FBXO48: variants seen among roughly 807,000 people sequenced by gnomAD.
FBXO48 encodes the protein F-box protein 48.
FBXO48 carries 12 observed loss-of-function variants against 14.3 expected under a neutral mutation model. The ratio of observed to expected loss-of-function variants is 0.84; its 90% confidence interval spans 0.54 to 1.36. The LOEUF (loss-of-function observed/expected upper bound fraction) is 1.36. Ranked by LOEUF, FBXO48 falls within the 40% of genes most tolerant of loss-of-function variation. FBXO48 has a pLI of 0.00. For synonymous variants in FBXO48, 53 were observed against 61.7 expected, an observed-to-expected ratio of 0.86 and a Z score of 0.66; for missense variants, 177 against 179.1, an observed-to-expected ratio of 0.99 and a Z score of 0.07.
rs533230110 is a variant in FBXO48 at position 68,463,763 on chromosome 2, A to T, written c.*446T>A. ...AAGTCATTAAAATGTCAATGTATTA[A>T]TTTAAATGTATTGCTATTAATTTCA... is the stretch of plus-strand genomic sequence containing the variant. On this transcript the variant is annotated 3_prime_UTR_variant, in exon 4 of 4. Transcript: ENST00000377957. 1 of 155,314 alleles carries T rather than the reference A, an allele frequency of 6.4e-6. No individual in the cohort carries two copies. The highest frequency in any genetic ancestry group is 1.9e-4 in the East Asian group (1 of 5,268). The allele number at this position is 155,314 out of a possible 1,614,324, so 9.6% of individuals were successfully genotyped here. A position where few individuals can be genotyped will look rare whatever the true frequency, so the allele number is the denominator to read the frequency against.
chr2:68,463,867 AT>A lies in FBXO48; in HGVS notation c.*341del, dbSNP rs1675327469. ...AGTCAGTTTAAAGTGGCTTCCTGAA[AT>A]TTTGAATTATCATTAAGCTGAACAT... is the stretch of plus-strand genomic sequence containing the variant. On this transcript the variant is annotated 3_prime_UTR_variant, in exon 4 of 4. Transcript: ENST00000377957. The A allele has an allele frequency of 1.2e-5, 2 of 173,500 alleles. No individual in the cohort carries two copies. Among genetic ancestry groups the A allele is most frequent in the African/African-American group, 2.4e-5 (1 of 41,996 alleles). 10.7% of individuals were successfully genotyped at this position (173,500 alleles called of 1,614,324 possible).
rs1041843673 is a variant in FBXO48 at position 68,460,535 on chromosome 2, T to C, written c.*3674A>G. The C allele has an allele frequency of 1.4e-5, 2 of 138,778 alleles. No homozygotes were observed. The highest frequency in any genetic ancestry group is 4.2e-4 in the South Asian group (2 of 4,756). The allele number at this position is 138,778 out of a possible 1,614,324, so 8.6% of individuals were successfully genotyped here. On this transcript the variant is annotated 3_prime_UTR_variant, in exon 4 of 4. Transcript: ENST00000377957. ...AACTATCTTTGGATATATCAAATAT[T>C]TTATATATATATATATATACTTATA...
chr2:68,464,925 G>T lies in FBXO48; in HGVS notation c.221C>A (p.Ser74Tyr). 1 of 1,613,882 alleles carries T rather than the reference G, an allele frequency of 6.2e-7. No individual in the cohort carries two copies. Among genetic ancestry groups the T allele is most frequent in the East Asian group, 2.2e-5 (1 of 44,884 alleles). Residue 74 changes from serine to tyrosine, a missense_variant, in exon 3 of 4, where the codon TCT (serine) becomes TAT (tyrosine). Ser to Tyr is a moderately radical substitution (Grantham distance 144). Coordinates refer to ENST00000377957, the MANE Select transcript of FBXO48 (RefSeq NM_001024680.3). ...AGTCATGCAGTGAGGTTTCCATAAA[G>T]AGTCACTGTTTCTTATTGTGTCATT... Reference protein sequence around the residue: ...SWNDTIRNSDSLWKPHCMTVR... With the variant: ...SWNDTIRNSDYLWKPHCMTVR...
chr2:68,465,147 G>A lies in FBXO48; in HGVS notation c.-2C>T, dbSNP rs1449542919. The A allele has an allele frequency of 3.1e-6, 5 of 1,592,940 alleles. No individual in the cohort carries two copies. In the African/African-American group the frequency reaches 5.4e-5, roughly 17 times the overall value. Reference sequence around the variant, plus strand: ...GTTTCTCTTGGAGTTTTTATGCATAGCTTAATGTTTTAAGTTATCCTCATA... The same window carrying A: ...GTTTCTCTTGGAGTTTTTATGCATAACTTAATGTTTTAAGTTATCCTCATA... On this transcript the variant is annotated 5_prime_UTR_variant, in exon 3 of 4. Transcript: ENST00000377957.
At chr2:68,466,022 AAT>A (rs1215271461) in intron 2 of FBXO48, 120 bp downstream of exon 2, 3 of 152,260 alleles carry the variant, frequency 2.0e-5, no homozygotes, top group African/African-American at 7.2e-5. Flanking sequence ...AGCTAAGGAT[AAT>A]AGTCACTGAA....
intron 3 of FBXO48, among the ~76,000 whole-genome samples, 159 bp downstream of exon 3, chr2:68,464,681 G>T (rs1269393221): frequency 1.3e-5 from 2 of 152,064 alleles, no homozygotes; most frequent in Non-Finnish European, 2.9e-5. Flanking sequence ...TGGTTAGCAG[G>T]AAAAGACTAA....
At position 68,461,102 on chromosome 2, in the gene FBXO48, T is replaced by C. The variant is rs1675250431; in HGVS notation, c.*3107A>G. On this transcript the variant is annotated 3_prime_UTR_variant, in exon 4 of 4. Coordinates refer to ENST00000377957, the MANE Select transcript of FBXO48 (RefSeq NM_001024680.3). The stretch of plus-strand genomic sequence containing the variant: ...CCACAAATAATACATATTTGAAAAA[T>C]GGGCAACGAAACCACATCAGGTGGG... 1 of 151,978 alleles carries C rather than the reference T, an allele frequency of 6.6e-6. No homozygotes were observed. Among genetic ancestry groups the C allele is most frequent in the Non-Finnish European group, 1.5e-5 (1 of 67,984 alleles). The allele number at this position is 151,978 out of a possible 1,614,324, so 9.4% of individuals were successfully genotyped here. A position where few individuals can be genotyped will look rare whatever the true frequency, so the allele number is the denominator to read the frequency against.
Position 68,465,066 on chromosome 2 carries a change from T to C in FBXO48, c.80A>G (p.Lys27Arg). The change falls in exon 3 of 4, where the codon AAA (lysine) becomes AGA (arginine). Residue 27 changes from lysine (K) to arginine (R), a missense_variant. Coordinates refer to ENST00000377957, the MANE Select transcript of FBXO48 (RefSeq NM_001024680.3). ...EANSVDAEKE[K>R]NESQNNFFEL... is the part of the protein sequence containing the mutation. Reference sequence around the variant, plus strand: ...AAAAAAGTTGTTTTGACTCTCATTTTTTTCCTTCTCAGCATCCACAGAGTT... The same window carrying C: ...AAAAAAGTTGTTTTGACTCTCATTTCTTTCCTTCTCAGCATCCACAGAGTT... The C allele has an allele frequency of 6.2e-7, 1 of 1,613,994 alleles. No individual in the cohort carries two copies. The highest frequency in any genetic ancestry group is 1.1e-5 in the South Asian group (1 of 91,082).
In FBXO48 at chr2:68,466,362, C is replaced by T. The variant is rs1376900805; in HGVS notation, c.-252G>A. ...GCTGAACACAAATCTCTTTTCTAGA[C>T]GAGCTACTCAGCTATGTTTTCGGAC... On this transcript the variant is annotated 5_prime_UTR_variant, in exon 2 of 4. Coordinates refer to ENST00000377957, the MANE Select transcript of FBXO48 (RefSeq NM_001024680.3). 6.6e-6 allele frequency: 1 copy of T among 152,190 alleles called. No homozygotes were observed. The highest frequency in any genetic ancestry group is 1.5e-5 in the Non-Finnish European group (1 of 68,052). 9.4% of individuals were successfully genotyped at this position (152,190 alleles called of 1,614,324 possible). A position where few individuals can be genotyped will look rare whatever the true frequency, so the allele number is the denominator to read the frequency against.
chr2:68,466,087 G>C (rs1675403875), intron 2 of FBXO48, 57 bp downstream of exon 2: 1 of 152,184 alleles, frequency 6.6e-6, no homozygotes, highest in Admixed American at 6.5e-5. Flanking sequence ...AACTCAGCTA[G>C]GTACAGTATG....
intron 2 of FBXO48, among the ~76,000 whole-genome samples, chr2:68,465,937 T>C (rs913689628): frequency 5.9e-5 from 9 of 152,206 alleles, no homozygotes; most frequent in African/African-American, 1.7e-4. Context: ...AAACAAAGTC[T>C]CAAATATTCA....
chr2:68,465,336 C>A (rs1198523012), intron 2 of FBXO48, among the ~76,000 whole-genome samples, 158 bp from the exon 3 acceptor site: 2 of 151,950 alleles, frequency 1.3e-5, no homozygotes, highest in African/African-American at 4.8e-5. Context: ...AAAGTTCTTG[C>A]AAGGATTAAC....
At chr2:68,465,573 C>A (rs182008528) in intron 2 of FBXO48, among the ~76,000 whole-genome samples, 1 of 149,696 alleles carries the variant, frequency 6.7e-6, no homozygotes. Flanking sequence ...AACTGTTTTA[C>A]GGAGAAATGG....
Position 68,464,126 on chromosome 2 carries a change from G to T in FBXO48, c.*83C>A. 3 of 1,144,524 alleles carry T rather than the reference G, an allele frequency of 2.6e-6. No homozygotes were observed. The highest frequency in any genetic ancestry group is 3.7e-6 in the Non-Finnish European group (3 of 800,850). 70.9% of individuals were successfully genotyped at this position (1,144,524 alleles called of 1,614,324 possible). On this transcript the variant is annotated 3_prime_UTR_variant, in exon 4 of 4. Transcript: ENST00000377957. The stretch of plus-strand genomic sequence containing the variant: ...TAAAAAGGTGAACAACAAAATGAAC[G>T]AATAAAGATATCGCTTTTGCAACCT...
rs1184723178 is a variant in FBXO48 at position 68,460,586 on chromosome 2, A to G, written c.*3623T>C. 1 of 151,654 alleles carries G rather than the reference A, an allele frequency of 6.6e-6. No individual in the cohort carries two copies. Among genetic ancestry groups the G allele is most frequent in the Admixed American group, 6.6e-5 (1 of 15,204 alleles). The allele number at this position is 151,654 out of a possible 1,614,324, so 9.4% of individuals were successfully genotyped here. A position where few individuals can be genotyped will look rare whatever the true frequency, so the allele number is the denominator to read the frequency against. On this transcript the variant is annotated 3_prime_UTR_variant, in exon 4 of 4. Coordinates refer to ENST00000377957, the MANE Select transcript of FBXO48 (RefSeq NM_001024680.3). ...CTATCTTTGGATAAAAATCCAAAAG[A>G]TAATAGCATATGTATTTCTGGAACA...
rs1311613025 is a variant in FBXO48 at position 68,462,048 on chromosome 2, A to C, written c.*2161T>G. The C allele has an allele frequency of 6.6e-6, 1 of 152,416 alleles. No homozygotes were observed. Among genetic ancestry groups the C allele is most frequent in the Non-Finnish European group, 1.5e-5 (1 of 68,394 alleles). 9.4% of individuals were successfully genotyped at this position (152,416 alleles called of 1,614,324 possible). A position where few individuals can be genotyped will look rare whatever the true frequency, so the allele number is the denominator to read the frequency against. On this transcript the variant is annotated 3_prime_UTR_variant, in exon 4 of 4. Transcript: ENST00000377957. Reference sequence around the variant, plus strand: ...AGACTTCATCTCAAAAAACAAAACAAAAAAACAAAAACAAAAAACTGCCCC... The same window carrying C: ...AGACTTCATCTCAAAAAACAAAACACAAAAACAAAAACAAAAAACTGCCCC...
rs1192531813 is a variant in FBXO48, at chr2:68,460,462, G to A, written c.*3747C>T. 2 of 151,784 alleles carry A rather than the reference G, an allele frequency of 1.3e-5. No individual in the cohort carries two copies. Among genetic ancestry groups the A allele is most frequent in the Admixed American group, 6.6e-5 (1 of 15,220 alleles). The allele number at this position is 151,784 out of a possible 1,614,324, so 9.4% of individuals were successfully genotyped here. A position where few individuals can be genotyped will look rare whatever the true frequency, so the allele number is the denominator to read the frequency against. ...TTCACTGAGATAGGAACTGGAGGAA[G>A]AACTACTTTTATGAGATGGTAAGTT... On this transcript the variant is annotated 3_prime_UTR_variant, in exon 4 of 4. Coordinates refer to ENST00000377957, the MANE Select transcript of FBXO48 (RefSeq NM_001024680.3).
Position 68,464,192 on chromosome 2 carries a change from T to C in FBXO48, c.*17A>G. ...TTTAAACTTTCAAAGACCTGAGATT[T>C]GTGATTTTTTTTCCCCTTATCTTTC... On this transcript the variant is annotated 3_prime_UTR_variant, in exon 4 of 4. Transcript: ENST00000377957. The C allele has an allele frequency of 3.1e-6, 5 of 1,610,234 alleles. No homozygotes were observed. Among genetic ancestry groups the C allele is most frequent in the Non-Finnish European group, 4.2e-6 (5 of 1,177,464 alleles).
At chr2:68,464,491 G>A (rs1675346657) in intron 3 of FBXO48, 121 bp from the exon 4 acceptor site, 9 of 778,892 alleles carry the variant, frequency 1.2e-5, no homozygotes, top group East Asian at 2.6e-5. Flanking sequence ...TTATATATAC[G>A]TACATTAATA....
Sources: gnomAD v4.1 joint callset for allele counts (sites outside exome capture counted in the v4.1 genomes callset) on GRCh38, gnomAD v4.1.1 for gene constraint, MANE v1.5 for transcripts, NCBI Gene and HGNC (gene_info 2026-07-23, HGNC 2026-07-21) for gene names.